Variants in HEATR6 observed in about 807,000 individuals in gnomAD.
The protein encoded by HEATR6 is HEAT repeat-containing protein 6.
In HEATR6, 106 loss-of-function variants were observed where a neutral mutation model predicts 132.8. That is an observed-to-expected ratio of 0.80 (90% CI 0.68 to 0.94). The LOEUF (loss-of-function observed/expected upper bound fraction) is 0.94, where lower values mean the gene tolerates loss of function less well. HEATR6 is among the 40% of genes least tolerant of loss of function. The probability of loss-of-function intolerance (pLI) is 0.00; values close to 1 mark genes in which losing one functional copy is unlikely to be tolerated. For missense variants in HEATR6, 1,339 were observed against 1,425.1 expected (o/e 0.94, Z 0.97); for synonymous variants, 529 against 537.8 (o/e 0.98, Z 0.23).
At chr17:60,067,347 T>A (rs1242565163) in intron 8 of HEATR6, 87 bp downstream of exon 8, 4 of 902,654 alleles carry the variant, frequency 4.4e-6, no homozygotes, top group Admixed American at 2.8e-5. Flanking sequence ...GCTCTTCAAG[T>A]TAAATCACAT....
chr17:60,052,404 A>G (rs1906611805), intron 14 of HEATR6, among the ~76,000 whole-genome samples: 1 of 152,224 alleles, frequency 6.6e-6, no homozygotes, highest in African/African-American at 2.4e-5. Context: ...ATTAATAGAC[A>G]AGCAATGTAG....
At chr17:60,046,358 C>T (rs1479366764) in intron 18 of HEATR6, 129 bp from the exon 19 acceptor site, 18 of 640,650 alleles carry the variant, frequency 2.8e-5, no homozygotes, top group Non-Finnish European at 4.0e-5. Flanking sequence ...CTCACAAGGT[C>T]TGCTCTGGTT....
rs1442243047 is a variant in HEATR6, at chr17:60,043,508, C to G, written c.*55G>C. 7.3e-7 allele frequency: 1 copy of G among 1,368,914 alleles called. No homozygotes were observed. Among genetic ancestry groups the G allele is most frequent in the Non-Finnish European group, 1.0e-6 (1 of 983,952 alleles). 84.8% of individuals were successfully genotyped at this position (1,368,914 alleles called of 1,614,324 possible). On this transcript the variant is annotated 3_prime_UTR_variant, in exon 20 of 20. Coordinates refer to ENST00000184956, the MANE Select transcript of HEATR6 (RefSeq NM_022070.5). ...GATGAAATCCCACAGATCTTATGCT[C>G]AAGCTCAGGTCTTCCTACTGCCGCC...
At chr17:60,067,050 C>A (rs1041654997) in intron 8 of HEATR6, among the ~76,000 whole-genome samples, 1 of 151,926 alleles carries the variant, frequency 6.6e-6, no homozygotes, top group African/African-American at 2.4e-5. Context: ...GCGGGCGGAT[C>A]ACGAGGTCAG....
rs762719127 is a variant in HEATR6 at position 60,059,896 on chromosome 17, T to C, written c.1617A>G (p.Ile539Met). The change falls in exon 10 of 20, where the codon ATA becomes ATG. Residue 539 changes from isoleucine (I) to methionine (M), a missense_variant. Ile to Met is a conservative substitution (Grantham distance 10). Transcript: ENST00000184956. ...AESSSQTVTQ[I>M]IKCLANLVSN... ...CCCACAGTTGGTACATTACCTTAAT[T>C]ATCTGAGTAACGGTCTGTGAGGATG... is the stretch of plus-strand genomic sequence containing the variant. 1.5e-5 allele frequency: 25 copies of C among 1,613,008 alleles called. No individual in the cohort carries two copies. The highest frequency in any genetic ancestry group is 2.1e-5 in the Non-Finnish European group (25 of 1,179,188).
rs1320924642 is a variant in HEATR6, at chr17:60,078,707, C to A, written c.208G>T (p.Val70Leu). ...GGCGCGCCGCCTACCTCCGGGGCCACGCCACTGCCCTCGCTGTAGTTCTCG... is the reference window on the plus strand; with the variant it reads ...GGCGCGCCGCCTACCTCCGGGGCCAAGCCACTGCCCTCGCTGTAGTTCTCG... The part of the protein sequence containing the change: ...ISENYSEGSG[V>L]APEDVSALLV... The change falls in exon 1 of 20, where the codon GTG becomes TTG. Residue 70 changes from valine to leucine, a missense_variant. Coordinates refer to ENST00000184956, the MANE Select transcript of HEATR6 (RefSeq NM_022070.5). 1.3e-6 allele frequency: 2 copies of A among 1,542,728 alleles called. No homozygotes were observed. The highest frequency in any genetic ancestry group is 1.4e-5 in the African/African-American group (1 of 72,726).
Position 60,073,168 on chromosome 17 carries a change from G to A in HEATR6, c.580C>T (p.Leu194Phe). The change falls in exon 4 of 20, where the codon CTC becomes TTC. Residue 194 changes from leucine to phenylalanine, a missense_variant. Coordinates refer to ENST00000184956, the MANE Select transcript of HEATR6 (RefSeq NM_022070.5). ...AAVHCMANLC[L>F]SVPGQPYLEE... ...AACTTGACTGGAGCCACATACCTGA[G>A]ACATAAGTTTGCCATACAATGTACT... The A allele has an allele frequency of 6.3e-7, 1 of 1,584,956 alleles. No individual in the cohort carries two copies. The highest frequency in any genetic ancestry group is 8.7e-7 in the Non-Finnish European group (1 of 1,153,522).
At chr17:60,064,087 A>G (rs1455319365) in intron 9 of HEATR6, 1 of 152,220 alleles carries the variant, frequency 6.6e-6, no homozygotes, top group East Asian at 1.9e-4. Flanking sequence ...AGGCAGGCAC[A>G]TCACCTGGGG....
chr17:60,045,412 G>C (rs1174668485), intron 19 of HEATR6, among the ~76,000 whole-genome samples: 2 of 152,168 alleles, frequency 1.3e-5, no homozygotes, highest in Non-Finnish European at 2.9e-5. Flanking sequence ...AGGTTTGGAG[G>C]CTCCGATCCA....
chr17:60,065,819 A>G (rs1467629560), intron 9 of HEATR6, among the ~76,000 whole-genome samples: 1 of 152,228 alleles, frequency 6.6e-6, no homozygotes, highest in Non-Finnish European at 1.5e-5. Context: ...TGCATCCTTC[A>G]TAGCCATTAT....
chr17:60,054,631 G>C (rs1209165155), intron 14 of HEATR6, among the ~76,000 whole-genome samples: 4 of 152,362 alleles, frequency 2.6e-5, no homozygotes, highest in East Asian at 3.9e-4. Flanking sequence ...TGTGGGGCTT[G>C]TTGCCCCTTT....
chr17:60,069,805 G>C lies in HEATR6; in HGVS notation c.845C>G (p.Pro282Arg). The change falls in exon 7 of 20, where the codon CCC becomes CGC. Residue 282 changes from proline to arginine, a missense_variant. Transcript: ENST00000184956. Reference protein sequence around the residue: ...HGLPGLNIEMPTVLYPTPLPQ... With the variant: ...HGLPGLNIEMRTVLYPTPLPQ... ...AAGCGGAGTTGGGTATAACACCGTGGGCATCTCTATGTTTAGTCCAGGGAG... is the reference window on the plus strand; with the variant it reads ...AAGCGGAGTTGGGTATAACACCGTGCGCATCTCTATGTTTAGTCCAGGGAG... 1.2e-6 allele frequency: 2 copies of C among 1,613,908 alleles called. No homozygotes were observed. The highest frequency in any genetic ancestry group is 1.7e-6 in the Non-Finnish European group (2 of 1,179,956).
chr17:60,059,657 T>C, intron 10 of HEATR6, 136 bp from the exon 11 acceptor site: 1 of 660,636 alleles, frequency 1.5e-6, no homozygotes, highest in East Asian at 2.7e-5. Flanking sequence ...ATAACACTTG[T>C]ATTCTCATTG....
Position 60,043,940 on chromosome 17 carries a change from TG to T in HEATR6, c.3168del (p.Ile1057Ter). 1 of 1,614,026 alleles carries T rather than the reference TG, an allele frequency of 6.2e-7. No individual in the cohort carries two copies. The highest frequency in any genetic ancestry group is 2.2e-5 in the East Asian group (1 of 44,892). ...CAGTACTTGAATTCCAAAAAGTCTA[TG>T]GTGTCTTCACTCTTCTGTAAAGCGG... ...LVTALQKSEDTIDFLEFKYCV... is the reference protein window; with the variant it reads ...LVTALQKSEDXIDFLEFKYCV... On this transcript the variant is annotated frameshift_variant, in exon 20 of 20. Transcript: ENST00000184956. LOFTEE classifies it high-confidence loss of function.
At chr17:60,049,774 G>A in intron 15 of HEATR6, 72 bp from the exon 16 acceptor site, 1 of 1,521,760 alleles carries the variant, frequency 6.6e-7, no homozygotes, top group Non-Finnish European at 9.0e-7. Flanking sequence ...CATAAAAGAT[G>A]TGAAATATCT....
chr17:60,067,704 GGTT>G lies in HEATR6; in HGVS notation c.965_967del (p.Lys322_Pro323delinsThr). 6.2e-7 allele frequency: 1 copy of G among 1,612,392 alleles called. No individual in the cohort carries two copies. Among genetic ancestry groups the G allele is most frequent in the Non-Finnish European group, 8.5e-7 (1 of 1,179,484 alleles). ...CTCCTCTCCTTGCTGGATTTTCTTT[GGTT>G]TTACTTTGGATTTTTTCTTTTTATT... On this transcript the variant is annotated inframe_deletion, in exon 8 of 20. Transcript: ENST00000184956.
Position 60,067,292 on chromosome 17 carries a change from A to G in HEATR6, c.1238+142T>C, listed in dbSNP as rs1284864207. 1.0e-5 allele frequency: 4 copies of G among 382,622 alleles called. No individual in the cohort carries two copies. The East Asian group carries it at 1.3e-4, about 12-fold the overall frequency. The allele number at this position is 382,622 out of a possible 1,614,324, so 23.7% of individuals were successfully genotyped here. A position where few individuals can be genotyped will look rare whatever the true frequency, so the allele number is the denominator to read the frequency against. ...CTCAAAAAAAAAAAAAAAAAAAAAG[A>G]GAACAAGTCATGTTCTGAATAACAC... On this transcript the variant is annotated intron_variant, in intron 8 of 19. Transcript: ENST00000184956.
At chr17:60,072,375 A>G in intron 4 of HEATR6, 46 bp from the exon 5 acceptor site, 1 of 1,124,904 alleles carries the variant, frequency 8.9e-7, no homozygotes. Context: ...CTCCTTTAAA[A>G]TGAGGCTTGC....
At chr17:60,065,260 T>TTTACC (rs1460603350) in intron 9 of HEATR6, among the ~76,000 whole-genome samples, 5 of 152,248 alleles carry the variant, frequency 3.3e-5, no homozygotes, top group African/African-American at 1.2e-4. Flanking sequence ...TTTATTTTTC[T>TTTACC]TTACCTTGTA....
Sources: allele counts gnomAD v4.1 joint callset (sites outside exome capture counted in the v4.1 genomes callset), GRCh38; gene constraint gnomAD v4.1.1; transcripts MANE v1.5; gene names NCBI Gene and HGNC (gene_info 2026-07-23, HGNC 2026-07-21).